The following TRIM2 variants were observed in gnomAD, a reference collection of about 807,000 sequenced individuals.
The protein encoded by TRIM2 is tripartite motif-containing protein 2.
A neutral mutation model predicts 75.2 loss-of-function variants in TRIM2; 20 were observed. That is an observed-to-expected ratio of 0.27 (90% CI 0.19 to 0.39). The LOEUF (loss-of-function observed/expected upper bound fraction) is 0.39, where lower values mean the gene tolerates loss of function less well. Among genes scored for constraint, TRIM2 ranks in the 10% least tolerant of loss-of-function variants. TRIM2 has a pLI of 1.00. For synonymous variants in TRIM2, 373 were observed against 388.3 expected (o/e 0.96, Z 0.46); for missense variants, 660 against 990.8 (o/e 0.67, Z 4.48).
chr4:153,291,905 A>T (rs1464874797), intron 3 of TRIM2, among the ~76,000 whole-genome samples: 1 of 152,210 alleles, frequency 6.6e-6, no homozygotes, highest in East Asian at 1.9e-4. Context: ...TCCATTTGAC[A>T]GAGACAGAAG....
intron 3 of TRIM2, among the ~76,000 whole-genome samples, chr4:153,281,541 A>G (rs986627612): frequency 6.6e-6 from 1 of 152,258 alleles, no homozygotes; most frequent in African/African-American, 2.4e-5. Flanking sequence ...GCAATGTTCC[A>G]GATAAATTGC....
At chr4:153,180,357 C>T (rs1355185664) in intron 1 of TRIM2, among the ~76,000 whole-genome samples, 2 of 152,186 alleles carry the variant, frequency 1.3e-5, no homozygotes, top group African/African-American at 2.4e-5. Flanking sequence ...ACAAGGTTCT[C>T]GACAGCCTGG....
intron 3 of TRIM2, among the ~76,000 whole-genome samples, chr4:153,288,331 G>A (rs1761116746): frequency 6.6e-6 from 1 of 152,132 alleles, no homozygotes; most frequent in Admixed American, 6.6e-5. Context: ...CAGCTACTCA[G>A]GAGGCTGAGA....
chr4:153,231,083 G>A (rs548626954), intron 1 of TRIM2, among the ~76,000 whole-genome samples: 121 of 152,256 alleles, frequency 7.9e-4, no homozygotes, highest in African/African-American at 2.7e-3. Flanking sequence ...TAAAATACAC[G>A]CTCAAGTATA....
upstream of TRIM2, chr4:153,204,417 T>G: frequency 7.8e-7 from 1 of 1,275,804 alleles, no homozygotes; most frequent in Non-Finnish European, 1.1e-6. Flanking sequence ...GCTGTTTATA[T>G]TTTAGTAAGG....
At chr4:153,314,201 A>G (rs796400642) in intron 6 of TRIM2, among the ~76,000 whole-genome samples, 1 of 144,802 alleles carries the variant, frequency 6.9e-6, no homozygotes, top group African/African-American at 2.9e-5. Context: ...CGGGCGGATC[A>G]CGAGGTCAGG....
At chr4:153,222,068 GGAA>G (rs1740687340) in intron 1 of TRIM2, among the ~76,000 whole-genome samples, 2 of 66,938 alleles carry the variant, frequency 3.0e-5, no homozygotes, top group Non-Finnish European at 6.6e-5. Flanking sequence ...AAGGAAGGAA[GGAA>G]AGAAAGAGAG....
rs72414117 is a variant in TRIM2, at chr4:153,273,270, C to CTTT, written c.216-2602_216-2600dup. Among the ~76,000 whole-genome samples, 49 of 57,388 alleles carry CTTT rather than the reference C, an allele frequency of 8.5e-4. 2 individuals are homozygous for CTTT. The highest frequency in any genetic ancestry group is 1.7e-3 in the African/African-American group (25 of 14,308). The allele number at this position is 57,388 out of a possible 152,430, so 37.6% of individuals were successfully genotyped here. A position where few individuals can be genotyped will look rare whatever the true frequency, so the allele number is the denominator to read the frequency against. On this transcript the variant is annotated intron_variant, in intron 2 of 11. Transcript: ENST00000338700. ...ACTCAGTGAGCACCTTACAGTCACT[C>CTTT]TTTTTTTTTTTTTTTTTTTTTTTGA...
intron 2 of TRIM2, among the ~76,000 whole-genome samples, chr4:153,274,653 A>T (rs191343672): frequency 6.6e-6 from 1 of 152,208 alleles, no homozygotes; most frequent in African/African-American, 2.4e-5. Flanking sequence ...GATGAATGGA[A>T]CCTTGATTAA....
intron 1 of TRIM2, among the ~76,000 whole-genome samples, chr4:153,206,873 G>T (rs933890041): frequency 4.6e-5 from 7 of 152,028 alleles, no homozygotes; most frequent in East Asian, 3.9e-4. Context: ...ATTCCAAGGG[G>T]TTTTCTTTCT....
intron 3 of TRIM2, among the ~76,000 whole-genome samples, chr4:153,277,858 A>G (rs1163233277): frequency 1.3e-5 from 2 of 152,202 alleles, no homozygotes; most frequent in Non-Finnish European, 2.9e-5. Flanking sequence ...AAATTTTGTA[A>G]AAAGAACTTT....
At chr4:153,189,403 C>T (rs1732955010) in intron 1 of TRIM2, among the ~76,000 whole-genome samples, 1 of 152,172 alleles carries the variant, frequency 6.6e-6, no homozygotes, top group African/African-American at 2.4e-5. Flanking sequence ...TTGGCATGTT[C>T]TAATTGGTGA....
At position 153,251,265 on chromosome 4, in the gene TRIM2, G is replaced by A. The variant is rs142549911; in HGVS notation, c.31-19070G>A. On this transcript the variant is annotated intron_variant, in intron 1 of 11. Transcript: ENST00000338700. ...AGGGCTACTGCCAGTAGAGAGGAAG[G>A]GGCTCGGCCTCTTGGGGTCCAAACC... Among the ~76,000 whole-genome samples the A allele has an allele frequency of 3.9e-3, 592 of 152,294 alleles. 3 individuals carry two copies. Among genetic ancestry groups the A allele is most frequent in the African/African-American group, 0.012 (493 of 41,566 alleles).
chr4:153,324,024 T>C (rs536256576), intron 9 of TRIM2, 54 bp from the exon 10 acceptor site: 9 of 1,401,250 alleles, frequency 6.4e-6, no homozygotes, highest in African/African-American at 1.4e-5. Context: ...GTAACTGCTA[T>C]ATGTAATCAC....
chr4:153,170,748 G>A (rs12504642), intron 1 of TRIM2, among the ~76,000 whole-genome samples: 38,522 of 151,932 alleles, frequency 0.25, 5,169 homozygotes, highest in East Asian at 0.43. Flanking sequence ...TCAGCCAGGG[G>A]GTAAAAACAG....
chr4:153,196,443 A>G (rs1560802385), intron 1 of TRIM2, among the ~76,000 whole-genome samples: 1 of 152,130 alleles, frequency 6.6e-6, no homozygotes, highest in Non-Finnish European at 1.5e-5. Context: ...TCTCTTAAAA[A>G]ATCATAAAAA....
upstream of TRIM2, among the ~76,000 whole-genome samples, chr4:153,200,724 A>AAAAAT (rs1405991305): frequency 1.1e-4 from 15 of 138,122 alleles, no homozygotes; most frequent in African/African-American, 4.0e-4. Flanking sequence ...AAGAAAAAAA[A>AAAAAT]ATATATATAT....
intron 1 of TRIM2, among the ~76,000 whole-genome samples, chr4:153,208,655 T>C (rs990808791): frequency 1.3e-5 from 2 of 152,086 alleles, no homozygotes; most frequent in Non-Finnish European, 2.9e-5. Flanking sequence ...AGTTCTTGTT[T>C]TCCTCACCTG....
At chr4:153,157,591 G>C (rs964070414) in intron 1 of TRIM2, among the ~76,000 whole-genome samples, 2 of 152,118 alleles carry the variant, frequency 1.3e-5, no homozygotes, top group African/African-American at 4.8e-5. Context: ...GCTCTACCCT[G>C]GCATAATCTC....
Sources: allele counts gnomAD v4.1 joint callset (sites outside exome capture counted in the v4.1 genomes callset), GRCh38; gene constraint gnomAD v4.1.1; transcripts MANE v1.5; gene names NCBI Gene and HGNC (gene_info 2026-07-23, HGNC 2026-07-21).